CDH13: variants seen among roughly 807,000 people sequenced by gnomAD.
CDH13 encodes cadherin-13.
Under a neutral mutation model 63.8 loss-of-function variants are expected in CDH13, and 24 were observed. The ratio of observed to expected loss-of-function variants is 0.38; its 90% CI spans 0.27 to 0.53. CDH13 has a LOEUF of 0.53. Among genes scored for constraint, CDH13 ranks in the 20% least tolerant of loss-of-function variants. CDH13 has a pLI of 0.85. For missense variants in CDH13, 1,049 were observed against 903.1 expected, an observed-to-expected ratio of 1.16 and a Z score of -2.07; for synonymous variants, 503 against 355.3, an observed-to-expected ratio of 1.42 and a Z score of -4.67.
chr16:83,355,770 A>G (rs920252174), intron 6 of CDH13, among the ~76,000 whole-genome samples: 2 of 152,182 alleles, frequency 1.3e-5, no homozygotes, highest in Non-Finnish European at 2.9e-5. Flanking sequence ...TCACTGTTAC[A>G]CAGGGGAACG....
At position 82,930,039 on chromosome 16, in the gene CDH13, C is replaced by CTTTTT. The variant is rs71146098; in HGVS notation, c.157+71585_157+71589dup. 5.0e-4 allele frequency among the ~76,000 whole-genome samples: 47 copies of CTTTTT among 94,762 alleles called. 2 individuals carry two copies. The highest frequency in any genetic ancestry group is 7.4e-4 in the Non-Finnish European group (36 of 48,538). 62.2% of individuals were successfully genotyped at this position (94,762 alleles called of 152,430 possible). On this transcript the variant is annotated intron_variant, in intron 2 of 13. Coordinates refer to ENST00000567109, the MANE Select transcript of CDH13 (RefSeq NM_001257.5). ...TCTAATAAAATGCATTAGTTTGTCT[C>CTTTTT]TTTTTTTTTTTTTTTTTTTTTTTGA...
chr16:82,801,547 C>T (rs528325821), intron 1 of CDH13, among the ~76,000 whole-genome samples: 6 of 152,116 alleles, frequency 3.9e-5, no homozygotes, highest in Non-Finnish European at 8.8e-5. Flanking sequence ...CAAACGGCAG[C>T]TAGGGTCAAG....
intron 5 of CDH13, among the ~76,000 whole-genome samples, chr16:83,230,496 G>T (rs2039971204): frequency 6.6e-6 from 1 of 152,104 alleles, no homozygotes; most frequent in South Asian, 2.1e-4. Flanking sequence ...TTTTTAGAAA[G>T]CTGTCCCAGG....
intron 1 of CDH13, among the ~76,000 whole-genome samples, chr16:82,693,638 T>G (rs1212496472): frequency 6.6e-6 from 1 of 152,352 alleles, no homozygotes; most frequent in South Asian, 2.1e-4. Flanking sequence ...ATCCAAATGA[T>G]AAGTTGCTGT....
intron 2 of CDH13, among the ~76,000 whole-genome samples, chr16:82,939,370 C>G (rs1198587562): frequency 4.6e-5 from 7 of 151,026 alleles, no homozygotes; most frequent in African/African-American, 1.7e-4. Context: ...TTGCAGTGAG[C>G]TGAGATGGCA....
intron 2 of CDH13, among the ~76,000 whole-genome samples, chr16:82,900,448 C>G (rs2041425379): frequency 1.3e-5 from 2 of 151,970 alleles, no homozygotes; most frequent in Admixed American, 1.3e-4. Flanking sequence ...ACAGACAAGA[C>G]AGAAAGGAAA....
At chr16:83,451,267 C>T (rs1447365294) in intron 6 of CDH13, among the ~76,000 whole-genome samples, 5 of 152,044 alleles carry the variant, frequency 3.3e-5, no homozygotes, top group South Asian at 2.1e-4. Context: ...TGGCAGAAGG[C>T]GAAGGAGGAG....
At chr16:83,602,410 CA>C in intron 7 of CDH13, 43 bp from the exon 8 acceptor site, 21 of 1,611,506 alleles carry the variant, frequency 1.3e-5, no homozygotes, top group Non-Finnish European at 1.8e-5. Flanking sequence ...AGCAGTAACC[CA>C]AATCTAAATG....
chr16:83,605,777 G>A (rs981364501), intron 8 of CDH13, among the ~76,000 whole-genome samples: 1 of 152,166 alleles, frequency 6.6e-6, no homozygotes, highest in African/African-American at 2.4e-5. Context: ...CTTATCGAAA[G>A]GGCCACCTCC....
At chr16:83,361,028 G>T (rs1277569521) in intron 6 of CDH13, among the ~76,000 whole-genome samples, 1 of 152,162 alleles carries the variant, frequency 6.6e-6, no homozygotes, top group Non-Finnish European at 1.5e-5. Context: ...TTTCCACAGT[G>T]CCTGAAGTAA....
chr16:82,941,497 C>G (rs187465407), intron 2 of CDH13, among the ~76,000 whole-genome samples: 16 of 152,306 alleles, frequency 1.1e-4, no homozygotes, highest in South Asian at 8.3e-4. Flanking sequence ...GCACAATCCA[C>G]GTGTAGAAAA....
intron 1 of CDH13, among the ~76,000 whole-genome samples, chr16:82,815,086 A>G (rs536470868): frequency 1.3e-5 from 2 of 151,938 alleles, no homozygotes; most frequent in South Asian, 2.1e-4. Context: ...TTTCTTATCC[A>G]TTATACCGTA....
Position 83,092,594 on chromosome 16 carries a change from T to C in CDH13, c.367-32791T>C, listed in dbSNP as rs189506539. On this transcript the variant is annotated intron_variant, in intron 3 of 13. Coordinates refer to ENST00000567109, the MANE Select transcript of CDH13 (RefSeq NM_001257.5). The stretch of plus-strand genomic sequence containing the variant: ...CTGTCTTTCTTTGTTACTTTTTTCC[T>C]TTCTTCTTCTTTTATTACTACTTCT... Among the ~76,000 whole-genome samples, 14 of 152,354 alleles carry C rather than the reference T, an allele frequency of 9.2e-5. No individual in the cohort carries two copies. In the East Asian group the frequency reaches 1.9e-3, roughly 21 times the overall value.
At chr16:83,487,048 G>T (rs1217470025) in intron 7 of CDH13, among the ~76,000 whole-genome samples, 1 of 152,148 alleles carries the variant, frequency 6.6e-6, no homozygotes, top group Non-Finnish European at 1.5e-5. Flanking sequence ...GGCTGTCCTT[G>T]TTGCAGAGTC....
At chr16:83,086,650 A>C (rs2033615757) in intron 3 of CDH13, among the ~76,000 whole-genome samples, 1 of 152,202 alleles carries the variant, frequency 6.6e-6, no homozygotes, top group Non-Finnish European at 1.5e-5. Context: ...CATGCTTTGA[A>C]ATTAAGTTTT....
chr16:83,485,244 T>C (rs186102655), intron 6 of CDH13, among the ~76,000 whole-genome samples: 286 of 152,338 alleles, frequency 1.9e-3, no homozygotes, highest in Non-Finnish European at 2.9e-3. Context: ...TGCGGACACG[T>C]GCAGTTGTTT....
intron 6 of CDH13, among the ~76,000 whole-genome samples, chr16:83,398,427 T>C (rs1328800930): frequency 6.6e-6 from 1 of 152,218 alleles, no homozygotes; most frequent in Non-Finnish European, 1.5e-5. Flanking sequence ...AATGTCCCTC[T>C]GCCTTTCTGT....
intron 1 of CDH13, among the ~76,000 whole-genome samples, chr16:82,838,543 A>G (rs2038869521): frequency 6.6e-6 from 1 of 152,238 alleles, no homozygotes; most frequent in Non-Finnish European, 1.5e-5. Flanking sequence ...TCACCAAAGT[A>G]ATAGTAATAT....
chr16:83,273,999 C>T (rs370716877), intron 5 of CDH13, among the ~76,000 whole-genome samples: 1 of 152,172 alleles, frequency 6.6e-6, no homozygotes, highest in Non-Finnish European at 1.5e-5. Context: ...ATTGCTTACA[C>T]TTTCCATCTT....
Sources: allele counts gnomAD v4.1 joint callset (sites outside exome capture counted in the v4.1 genomes callset), GRCh38; gene constraint gnomAD v4.1.1; transcripts MANE v1.5; gene names NCBI Gene and HGNC (gene_info 2026-07-23, HGNC 2026-07-21).